The following LUZP2 variants were observed in gnomAD, a reference collection of about 807,000 sequenced individuals.
LUZP2 encodes the protein leucine zipper protein 2.
Under a neutral mutation model 51.6 loss-of-function variants are expected in LUZP2, and 52 were observed. That is an observed-to-expected ratio of 1.01 (90% CI 0.81 to 1.27). The LOEUF is 1.27. LUZP2 is among the 50% of genes most tolerant of loss of function. LUZP2 has a pLI of 0.00. For missense variants in LUZP2, 436 were observed against 395.4 expected (o/e 1.10, Z -0.87); for synonymous variants, 154 against 137.3 (o/e 1.12, Z -0.85).
intron 9 of LUZP2, 59 bp downstream of exon 9, chr11:24,983,352 G>A: frequency 6.6e-7 from 1 of 1,513,832 alleles, no homozygotes; most frequent in Non-Finnish European, 9.0e-7. Context: ...TGTCTTTAAA[G>A]CCCAGTATAT....
At chr11:25,075,329 G>T (rs1212724188) in intron 10 of LUZP2, among the ~76,000 whole-genome samples, 5 of 152,068 alleles carry the variant, frequency 3.3e-5, no homozygotes, top group African/African-American at 4.8e-5. Context: ...TATACTGTAG[G>T]CTTATTTAGA....
intron 7 of LUZP2, among the ~76,000 whole-genome samples, chr11:24,918,221 T>C (rs1378350572): frequency 6.6e-6 from 1 of 152,116 alleles, no homozygotes; most frequent in Non-Finnish European, 1.5e-5. Flanking sequence ...CTTATCAGCT[T>C]ATGGAGATTT....
At chr11:25,044,213 A>ATG (rs1858207775) in intron 9 of LUZP2, among the ~76,000 whole-genome samples, 1 of 142,104 alleles carries the variant, frequency 7.0e-6, no homozygotes, top group African/African-American at 2.6e-5. Context: ...GTATGTGTAT[A>ATG]TATATATGTG....
chr11:24,604,703 T>C (rs577479823), intron 1 of LUZP2, among the ~76,000 whole-genome samples: 22 of 151,924 alleles, frequency 1.4e-4, no homozygotes, highest in African/African-American at 5.3e-4. Context: ...TTTAGTTATC[T>C]CAAAGTAATG....
At chr11:24,882,453 A>AC (rs532110747) in intron 5 of LUZP2, among the ~76,000 whole-genome samples, 2 of 152,056 alleles carry the variant, frequency 1.3e-5, no homozygotes, top group Non-Finnish European at 2.9e-5. Context: ...CGTCGTTATC[A>AC]CCCCCAAACC....
intron 1 of LUZP2, among the ~76,000 whole-genome samples, chr11:24,497,878 T>G (rs990202063): frequency 6.6e-6 from 1 of 152,160 alleles, no homozygotes; most frequent in Non-Finnish European, 1.5e-5. Flanking sequence ...TGTGAACAGG[T>G]CTAATTAAAG....
intron 1 of LUZP2, among the ~76,000 whole-genome samples, chr11:24,625,528 C>A (rs1243152507): frequency 6.6e-6 from 1 of 151,982 alleles, no homozygotes; most frequent in African/African-American, 2.4e-5. Context: ...TATAATTCTA[C>A]TTATTTTCAA....
chr11:24,570,243 A>G (rs1020888046), intron 1 of LUZP2, among the ~76,000 whole-genome samples: 5 of 122,466 alleles, frequency 4.1e-5, no homozygotes, highest in Admixed American at 1.7e-4. Context: ...GGATCTAGAA[A>G]GAGATGTGTT....
At chr11:24,835,638 G>A (rs1320009410) in intron 5 of LUZP2, among the ~76,000 whole-genome samples, 2 of 152,022 alleles carry the variant, frequency 1.3e-5, no homozygotes, top group Non-Finnish European at 2.9e-5. Flanking sequence ...CTTGTATAAT[G>A]TAAGAGACAA....
rs1334192204 is a variant in LUZP2, at chr11:24,844,154, A to G, written c.397-61837A>G. Among the ~76,000 whole-genome samples the G allele has an allele frequency of 3.9e-5, 6 of 152,168 alleles. No homozygotes were observed. The East Asian group carries it at 5.8e-4, about 15-fold the overall frequency. On this transcript the variant is annotated intron_variant, in intron 5 of 11. Coordinates refer to ENST00000336930, the MANE Select transcript of LUZP2 (RefSeq NM_001009909.4). ...AAAATGTGGGAAAGTTTGAAACTCC[A>G]TATAGACTTGTTGAATGGTTTTGCC...
At chr11:24,820,629 G>A (rs1850328464) in intron 5 of LUZP2, among the ~76,000 whole-genome samples, 1 of 152,018 alleles carries the variant, frequency 6.6e-6, no homozygotes, top group Non-Finnish European at 1.5e-5. Flanking sequence ...AAAATATAAG[G>A]ACTTGAAATT....
intron 1 of LUZP2, among the ~76,000 whole-genome samples, chr11:24,628,587 G>A (rs907932657): frequency 1.3e-5 from 2 of 152,018 alleles, no homozygotes; most frequent in African/African-American, 4.8e-5. Flanking sequence ...TTGAGATGGA[G>A]TCTCGCTCTC....
chr11:24,545,115 C>T (rs1851498708), intron 1 of LUZP2, among the ~76,000 whole-genome samples: 1 of 148,646 alleles, frequency 6.7e-6, no homozygotes, highest in Admixed American at 6.7e-5. Flanking sequence ...TGTCCTTTGC[C>T]CACTCTTTAA....
At chr11:24,831,477 A>G (rs2631493) in intron 5 of LUZP2, among the ~76,000 whole-genome samples, 23,843 of 152,184 alleles carry the variant, frequency 0.16, 2,074 homozygotes, top group African/African-American at 0.22. Flanking sequence ...GGAGCTTTGA[A>G]AGAAGGTACA....
intron 1 of LUZP2, among the ~76,000 whole-genome samples, chr11:24,666,131 G>C (rs974598806): frequency 6.6e-6 from 1 of 152,056 alleles, no homozygotes; most frequent in East Asian, 1.9e-4. Flanking sequence ...ACAAACAGGA[G>C]GAGCTAGAAA....
chr11:25,021,181 T>C (rs1157618175), intron 9 of LUZP2, among the ~76,000 whole-genome samples: 1 of 151,954 alleles, frequency 6.6e-6, no homozygotes, highest in African/African-American at 2.4e-5. Context: ...ATGATAACCA[T>C]GACAAAATCT....
chr11:25,054,733 G>T (rs1268142596), intron 10 of LUZP2, among the ~76,000 whole-genome samples: 2 of 151,452 alleles, frequency 1.3e-5, no homozygotes. Flanking sequence ...AATTTTAGTG[G>T]TTACCATAGT....
chr11:24,740,855 T>G (rs1368974369), intron 4 of LUZP2, among the ~76,000 whole-genome samples: 2 of 152,100 alleles, frequency 1.3e-5, no homozygotes, highest in African/African-American at 4.8e-5. Context: ...ATGGTACTAA[T>G]GTAACAGGTT....
At chr11:24,929,958 G>C (rs1854396225) in intron 7 of LUZP2, among the ~76,000 whole-genome samples, 1 of 152,088 alleles carries the variant, frequency 6.6e-6, no homozygotes, top group Non-Finnish European at 1.5e-5. Context: ...TCCCTGTAGG[G>C]CAAGTCCTGT....
Sources: gnomAD v4.1 joint callset for allele counts (sites outside exome capture counted in the v4.1 genomes callset) on GRCh38, gnomAD v4.1.1 for gene constraint, MANE v1.5 for transcripts, NCBI Gene and HGNC (gene_info 2026-07-23, HGNC 2026-07-21) for gene names.